Variants in WLS observed in about 807,000 individuals in gnomAD.
The protein encoded by WLS is protein wntless homolog.
WLS carries 23 observed loss-of-function variants against 62.8 expected under a neutral mutation model. The observed-to-expected ratio is 0.37, with a 90% CI of 0.26 to 0.52. WLS has a LOEUF of 0.52. Ranked by LOEUF, WLS falls within the 20% of genes least tolerant of loss-of-function variation. The pLI, the probability that WLS is intolerant of heterozygous loss-of-function variation, is 0.92. For missense variants in WLS, 615 were observed against 697.3 expected (o/e 0.88, Z 1.33); for synonymous variants, 246 against 244.1 (o/e 1.01, Z -0.07).
At chr1:68,168,708 A>T (rs1412760648) in intron 2 of WLS, among the ~76,000 whole-genome samples, 1 of 152,196 alleles carries the variant, frequency 6.6e-6, no homozygotes, top group Non-Finnish European at 1.5e-5. Flanking sequence ...TACATAGGGG[A>T]GCTGCCAGTC....
intron 11 of WLS, among the ~76,000 whole-genome samples, chr1:68,128,367 A>G (rs1280575553): frequency 1.3e-5 from 2 of 152,218 alleles, no homozygotes; most frequent in Non-Finnish European, 2.9e-5. Flanking sequence ...TTTCTCAGTC[A>G]AAGCTATTTC....
intron 2 of WLS, among the ~76,000 whole-genome samples, chr1:68,164,703 G>A (rs891186261): frequency 6.6e-6 from 1 of 152,138 alleles, no homozygotes; most frequent in African/African-American, 2.4e-5. Flanking sequence ...AAGTACCAGG[G>A]GTTGCAGAAG....
At chr1:68,231,546 CCCCACCCCAT>C in intron 1 of WLS, 2 of 311,636 alleles carry the variant, frequency 6.4e-6, no homozygotes, top group Non-Finnish European at 1.3e-5. Flanking sequence ...CTCCCTCCCA[CCCCACCCCAT>C]CCCACCCAAC....
At chr1:68,198,397 G>T (rs1189422883) in intron 1 of WLS, among the ~76,000 whole-genome samples, 1 of 151,906 alleles carries the variant, frequency 6.6e-6, no homozygotes, top group East Asian at 1.9e-4. Context: ...AGTATTTTTG[G>T]CCTCCACTTT....
chr1:68,197,137 C>T (rs1292475117), intron 1 of WLS, among the ~76,000 whole-genome samples: 4 of 151,904 alleles, frequency 2.6e-5, no homozygotes, highest in East Asian at 1.9e-4. Flanking sequence ...CAGGCCAAAA[C>T]GAAAAATAAC....
chr1:68,132,478 C>T lies in WLS; in HGVS notation c.1516+5302G>A, dbSNP rs1272657820. On this transcript the variant is annotated intron_variant, in intron 11 of 11. Transcript: ENST00000262348. The stretch of plus-strand genomic sequence containing the variant: ...CTCAGGACTTAATCCAACGCTTTAC[C>T]GAGGCAACAAAGCCAAAGCCATCTT... 3.9e-5 allele frequency among the ~76,000 whole-genome samples: 6 copies of T among 152,136 alleles called. No individual in the cohort carries two copies. The East Asian group carries it at 7.7e-4, about 20-fold the overall frequency.
intron 2 of WLS, among the ~76,000 whole-genome samples, chr1:68,182,679 C>T (rs1191711082): frequency 2.0e-5 from 3 of 149,846 alleles, no homozygotes; most frequent in Non-Finnish European, 4.4e-5. Context: ...ATTTACCTAA[C>T]ACTACAAACC....
chr1:68,104,725 G>T (rs1206595624), intron 11 of WLS, among the ~76,000 whole-genome samples: 3 of 152,148 alleles, frequency 2.0e-5, no homozygotes, highest in African/African-American at 7.2e-5. Context: ...ACCAGCCAGG[G>T]AAACATAGGG....
intron 1 of WLS, among the ~76,000 whole-genome samples, chr1:68,203,913 A>G (rs1649163163): frequency 6.6e-6 from 1 of 152,232 alleles, no homozygotes. Context: ...AACTAAATAT[A>G]AGTTCCTCTC....
At chr1:68,175,603 C>A (rs999609366) in intron 2 of WLS, among the ~76,000 whole-genome samples, 4 of 152,212 alleles carry the variant, frequency 2.6e-5, no homozygotes, top group Admixed American at 6.5e-5. Flanking sequence ...ACACCTCCAG[C>A]TGTTGACTGC....
At position 68,103,621 on chromosome 1, in the gene WLS, T is replaced by A. The variant is rs1355848571; in HGVS notation, c.1511-4868A>T. 3.3e-5 allele frequency among the ~76,000 whole-genome samples: 5 copies of A among 152,174 alleles called. No individual in the cohort carries two copies. The East Asian group carries it at 9.6e-4, about 29-fold the overall frequency. ...TAAAATGGATTCAGAATCCTATAATTGTAGTTTGTAGGGGGATACTAACTC... is the reference window on the plus strand; with the variant it reads ...TAAAATGGATTCAGAATCCTATAATAGTAGTTTGTAGGGGGATACTAACTC... On this transcript the variant is annotated intron_variant, in intron 11 of 11. Coordinates refer to the WLS transcript ENST00000354777.
chr1:68,231,552 C>T, intron 1 of WLS: 1 of 306,636 alleles, frequency 3.3e-6, no homozygotes. Context: ...CCCACCCCAC[C>T]CCATCCCACC....
intron 10 of WLS, among the ~76,000 whole-genome samples, chr1:68,143,036 G>A (rs1226692842): frequency 1.3e-5 from 2 of 152,048 alleles, no homozygotes; most frequent in East Asian, 1.9e-4. Flanking sequence ...TAATATACCT[G>A]TAGCATCTGT....
At chr1:68,132,647 G>A (rs948189241) in intron 11 of WLS, among the ~76,000 whole-genome samples, 8 of 152,158 alleles carry the variant, frequency 5.3e-5, no homozygotes, top group African/African-American at 1.4e-4. Context: ...AATGCTTAGC[G>A]TGAACAGAAA....
chr1:68,143,292 C>T (rs1019252941), intron 10 of WLS, among the ~76,000 whole-genome samples: 1 of 152,154 alleles, frequency 6.6e-6, no homozygotes, highest in Non-Finnish European at 1.5e-5. Context: ...GGCTAAATGA[C>T]AAAGCACTGG....
At chr1:68,128,922 G>T (rs1484624122) in intron 11 of WLS, among the ~76,000 whole-genome samples, 1 of 150,376 alleles carries the variant, frequency 6.6e-6, no homozygotes, top group Non-Finnish European at 1.5e-5. Flanking sequence ...CAGGATGCAG[G>T]CTCTCAACTT....
Position 68,126,116 on chromosome 1 carries a change from AAG to A in WLS, c.*108_*109del. Reference sequence around the variant, plus strand: ...GCCGCTGGTCCAAGAAACCACAGCTAAGAGCCATGAGGCATTCATTTGTACAT... The same window carrying A: ...GCCGCTGGTCCAAGAAACCACAGCTAAGCCATGAGGCATTCATTTGTACAT... On this transcript the variant is annotated 3_prime_UTR_variant, in exon 12 of 12. Transcript: ENST00000262348. 1 of 1,493,598 alleles carries A rather than the reference AAG, an allele frequency of 6.7e-7. No homozygotes were observed. Among genetic ancestry groups the A allele is most frequent in the Non-Finnish European group, 8.9e-7 (1 of 1,118,506 alleles). 92.5% of individuals were successfully genotyped at this position (1,493,598 alleles called of 1,614,324 possible). A position where few individuals can be genotyped will look rare whatever the true frequency, so the allele number is the denominator to read the frequency against.
chr1:68,102,538 A>G (rs1646092802), intron 11 of WLS: 1 of 152,108 alleles, frequency 6.6e-6, no homozygotes, highest in Admixed American at 6.5e-5. Flanking sequence ...CTGGGGTTGT[A>G]TCATTTTGAA....
chr1:68,128,893 G>T (rs890469111), intron 11 of WLS, among the ~76,000 whole-genome samples: 1 of 152,066 alleles, frequency 6.6e-6, no homozygotes, highest in African/African-American at 2.4e-5. Context: ...TAGTGTGTGG[G>T]ATTCAAATAA....
Sources: gnomAD v4.1 joint callset for allele counts (sites outside exome capture counted in the v4.1 genomes callset) on GRCh38, gnomAD v4.1.1 for gene constraint, MANE v1.5 for transcripts, NCBI Gene and HGNC (gene_info 2026-07-23, HGNC 2026-07-21) for gene names.